CCNY: variants seen among roughly 807,000 people sequenced by gnomAD.
The protein encoded by CCNY is cyclin-Y.
A neutral mutation model predicts 42.8 loss-of-function variants in CCNY; 19 were observed. The observed-to-expected ratio is 0.44, with a 90% confidence interval of 0.31 to 0.65. CCNY has a LOEUF of 0.65. Ranked by LOEUF, CCNY falls within the 30% of genes least tolerant of loss-of-function variation. The probability of loss-of-function intolerance (pLI) is 0.07; values close to 1 mark genes in which losing one functional copy is unlikely to be tolerated. For synonymous variants in CCNY, 165 were observed against 162.7 expected, an observed-to-expected ratio of 1.01 and a Z score of -0.11; for missense variants, 370 against 437.3, an observed-to-expected ratio of 0.85 and a Z score of 1.37.
intron 3 of CCNY, among the ~76,000 whole-genome samples, chr10:35,262,279 AGAATT>A (rs1384228057): frequency 2.7e-5 from 4 of 149,766 alleles, no homozygotes; most frequent in Non-Finnish European, 5.9e-5. Flanking sequence ...AAAAAAAAAA[AGAATT>A]GAATAGTATG....
At chr10:35,318,045 T>G (rs941427741) in intron 3 of CCNY, among the ~76,000 whole-genome samples, 5 of 151,912 alleles carry the variant, frequency 3.3e-5, no homozygotes, top group African/African-American at 1.2e-4. Context: ...CTGGGCAACA[T>G]AGGGAGACCT....
chr10:35,370,393 C>T lies in CCNY; in HGVS notation c.154+33186C>T, dbSNP rs139240199. 3.1e-3 allele frequency among the ~76,000 whole-genome samples: 471 copies of T among 152,092 alleles called. 7 individuals carry two copies. Among genetic ancestry groups the T allele is most frequent in the African/African-American group, 0.011 (439 of 41,412 alleles). ...GTCTTGATCTCCTGACCTTGTGATC[C>T]GCCTGCTTCGGCCTCCCAGAGTGTT... On this transcript the variant is annotated intron_variant, in intron 1 of 9. Transcript: ENST00000374704.
At chr10:35,484,018 G>T (rs1839732130) in intron 2 of CCNY, among the ~76,000 whole-genome samples, 1 of 152,022 alleles carries the variant, frequency 6.6e-6, no homozygotes, top group South Asian at 2.1e-4. Flanking sequence ...GTTCATCCCA[G>T]GTGTGTGTGG....
chr10:35,510,652 G>A (rs187926561), intron 3 of CCNY, among the ~76,000 whole-genome samples: 118 of 152,240 alleles, frequency 7.8e-4, no homozygotes, highest in African/African-American at 2.6e-3. Flanking sequence ...GTTCATGTAC[G>A]TGCTAGGCAC....
intron 1 of CCNY, among the ~76,000 whole-genome samples, chr10:35,340,397 A>C (rs1477329305): frequency 6.6e-6 from 1 of 152,208 alleles, no homozygotes; most frequent in African/African-American, 2.4e-5. Context: ...GAGGGACTAA[A>C]GAGAATTTAA....
chr10:35,417,111 A>G (rs1838041266), intron 1 of CCNY, among the ~76,000 whole-genome samples: 1 of 152,220 alleles, frequency 6.6e-6, no homozygotes, highest in African/African-American at 2.4e-5. Flanking sequence ...ATCACTTCTT[A>G]TGCTCCATTG....
intron 2 of CCNY, among the ~76,000 whole-genome samples, chr10:35,488,864 A>G (rs1839840016): frequency 6.6e-6 from 1 of 152,366 alleles, no homozygotes; most frequent in Non-Finnish European, 1.5e-5. Context: ...GAAATTTCAT[A>G]TCACTCCTTT....
At chr10:35,412,833 C>T (rs940622556) in intron 1 of CCNY, among the ~76,000 whole-genome samples, 2 of 131,428 alleles carry the variant, frequency 1.5e-5, no homozygotes, top group Admixed American at 1.8e-4. Flanking sequence ...TGCACTCCAG[C>T]CTGGGCGACA....
chr10:35,426,069 T>C (rs16936026), intron 1 of CCNY, among the ~76,000 whole-genome samples: 10,178 of 148,518 alleles, frequency 0.069, 563 homozygotes, highest in African/African-American at 0.15. Context: ...CCTGTCCAAA[T>C]TAAACCCTGG....
chr10:35,556,938 G>C (rs991150897), intron 8 of CCNY, among the ~76,000 whole-genome samples: 1 of 151,540 alleles, frequency 6.6e-6, no homozygotes, highest in Non-Finnish European at 1.5e-5. Context: ...TTCGCTTCCC[G>C]GGTTCAAGCA....
At chr10:35,561,788 A>G (rs1841472060) in intron 8 of CCNY, among the ~76,000 whole-genome samples, 1 of 152,260 alleles carries the variant, frequency 6.6e-6, no homozygotes, top group Non-Finnish European at 1.5e-5. Context: ...CTTGGAAGGC[A>G]GCTGACTGTG....
chr10:35,374,190 G>A (rs1837000933), intron 1 of CCNY, among the ~76,000 whole-genome samples: 1 of 152,230 alleles, frequency 6.6e-6, no homozygotes, highest in Admixed American at 6.5e-5. Flanking sequence ...GTGAGGCCTA[G>A]AAGTTTTAGT....
intron 1 of CCNY, among the ~76,000 whole-genome samples, chr10:35,403,661 C>G (rs1220640387): frequency 6.6e-6 from 1 of 152,130 alleles, no homozygotes; most frequent in Non-Finnish European, 1.5e-5. Flanking sequence ...CATATAACAG[C>G]ATGGTGATGC....
chr10:35,388,514 C>T (rs1837343473), intron 1 of CCNY, among the ~76,000 whole-genome samples: 1 of 152,172 alleles, frequency 6.6e-6, no homozygotes. Context: ...TCAACATTTG[C>T]ATTTTTGCAC....
At chr10:35,382,431 A>G (rs1837207206) in intron 1 of CCNY, among the ~76,000 whole-genome samples, 1 of 152,232 alleles carries the variant, frequency 6.6e-6, no homozygotes, top group Non-Finnish European at 1.5e-5. Context: ...TGCAGTGGTA[A>G]GACCTCAGCC....
At chr10:35,367,590 G>C (rs1358575713) in intron 1 of CCNY, among the ~76,000 whole-genome samples, 1 of 152,134 alleles carries the variant, frequency 6.6e-6, no homozygotes, top group African/African-American at 2.4e-5. Context: ...AACCTCTCTG[G>C]AATGCAGATC....
intron 1 of CCNY, among the ~76,000 whole-genome samples, chr10:35,349,435 A>G (rs1836381038): frequency 6.6e-6 from 1 of 152,200 alleles, no homozygotes; most frequent in Non-Finnish European, 1.5e-5. Context: ...TGGCTTTAAC[A>G]TGGTTTGAAA....
rs887678401 is a variant in CCNY, at chr10:35,309,816, TAGAGAC to T, written c.-9+59195_-9+59200del. Among the ~76,000 whole-genome samples, 1,035 of 152,238 alleles carry T rather than the reference TAGAGAC, an allele frequency of 6.8e-3. 11 individuals carry two copies. Among genetic ancestry groups the T allele is most frequent in the African/African-American group, 0.024 (990 of 41,550 alleles). The stretch of plus-strand genomic sequence containing the variant: ...TTATTTACTTATTTATTTATTTATT[TAGAGAC>T]AGAGTCTCGCTCTGTCGCCCAGGCT... On this transcript the variant is annotated intron_variant, in intron 3 of 11. Transcript: ENST00000374706.
At chr10:35,394,322 G>A (rs1017307573) in intron 1 of CCNY, among the ~76,000 whole-genome samples, 2 of 152,208 alleles carry the variant, frequency 1.3e-5, no homozygotes, top group African/African-American at 4.8e-5. Flanking sequence ...TGAAAATGCT[G>A]AAATACAAGA....
Sources: gnomAD v4.1 joint callset for allele counts (sites outside exome capture counted in the v4.1 genomes callset) on GRCh38, gnomAD v4.1.1 for gene constraint, MANE v1.5 for transcripts, NCBI Gene and HGNC (gene_info 2026-07-23, HGNC 2026-07-21) for gene names.